Variants in GATAD2B observed in about 807,000 individuals in gnomAD.
GATAD2B encodes transcriptional repressor p66-beta.
A neutral mutation model predicts 64.3 loss-of-function variants in GATAD2B; 8 were observed. The ratio of observed to expected loss-of-function variants is 0.12; its 90% CI spans 0.07 to 0.22. The LOEUF is 0.22. GATAD2B is among the 10% of genes least tolerant of loss of function. The pLI is 1.00. For missense variants in GATAD2B, 453 were observed against 752.0 expected (o/e 0.60, Z 4.65); for synonymous variants, 281 against 271.3 (o/e 1.04, Z -0.35).
intron 1 of GATAD2B, among the ~76,000 whole-genome samples, chr1:153,869,458 C>A (rs1676590163): frequency 6.6e-6 from 1 of 152,028 alleles, no homozygotes; most frequent in African/African-American, 2.4e-5. Context: ...TTATTTTACC[C>A]CATGGGTTAT....
At chr1:153,882,694 T>A (rs1336420656) in intron 1 of GATAD2B, among the ~76,000 whole-genome samples, 1 of 152,160 alleles carries the variant, frequency 6.6e-6, no homozygotes, top group Non-Finnish European at 1.5e-5. Context: ...ACTTTACTCT[T>A]TGCATTCTAG....
chr1:153,865,903 G>A (rs911562275), intron 1 of GATAD2B, among the ~76,000 whole-genome samples: 2 of 151,858 alleles, frequency 1.3e-5, no homozygotes, highest in African/African-American at 4.8e-5. Flanking sequence ...TGGGTAGATC[G>A]CTTGAGCCCA....
At chr1:153,873,890 A>G (rs570711414) in intron 1 of GATAD2B, among the ~76,000 whole-genome samples, 2 of 152,292 alleles carry the variant, frequency 1.3e-5, no homozygotes, top group Admixed American at 6.5e-5. Context: ...TCAAGGCTAC[A>G]ATAAGCTATG....
At chr1:153,815,101 A>AAAAC (rs1553187826) in intron 7 of GATAD2B, among the ~76,000 whole-genome samples, 1 of 144,124 alleles carries the variant, frequency 6.9e-6, no homozygotes, top group Non-Finnish European at 1.5e-5. Flanking sequence ...AAAAAAAAAA[A>AAAAC]AAAAAAAAAA....
chr1:153,908,417 T>C (rs1678011548), intron 1 of GATAD2B, among the ~76,000 whole-genome samples: 1 of 151,812 alleles, frequency 6.6e-6, no homozygotes, highest in African/African-American at 2.4e-5. Context: ...AAGTAAAAGA[T>C]CTTACAACTA....
chr1:153,871,360 C>T (rs959158134), intron 1 of GATAD2B, among the ~76,000 whole-genome samples: 9 of 152,014 alleles, frequency 5.9e-5, no homozygotes, highest in Non-Finnish European at 1.2e-4. Context: ...CGACCACACC[C>T]GGCCACTTGT....
intron 2 of GATAD2B, among the ~76,000 whole-genome samples, chr1:153,822,665 G>A (rs1674724249): frequency 1.3e-5 from 2 of 151,902 alleles, no homozygotes; most frequent in Admixed American, 1.3e-4. Context: ...CACCACACCC[G>A]GCTAATTTTT....
chr1:153,840,264 AC>A (rs1315239793), intron 1 of GATAD2B, among the ~76,000 whole-genome samples: 3 of 151,274 alleles, frequency 2.0e-5, no homozygotes, highest in Non-Finnish European at 4.4e-5. Flanking sequence ...TGAACTCCTG[AC>A]CTCAGGTGAT....
At chr1:153,852,766 A>G (rs1675947742) in intron 1 of GATAD2B, 1 of 936,104 alleles carries the variant, frequency 1.1e-6, no homozygotes. Flanking sequence ...CAGGGATCCC[A>G]GTCTAACATA....
At chr1:153,919,176 T>C (rs1678356629) in intron 1 of GATAD2B, among the ~76,000 whole-genome samples, 1 of 152,248 alleles carries the variant, frequency 6.6e-6, no homozygotes, top group African/African-American at 2.4e-5. Flanking sequence ...TAACGAATGA[T>C]GTGTTCTTAG....
intron 1 of GATAD2B, among the ~76,000 whole-genome samples, chr1:153,835,472 C>CAA (rs111567499): frequency 5.2e-5 from 7 of 133,526 alleles, no homozygotes; most frequent in African/African-American, 8.2e-5. Flanking sequence ...CCTGTAATCT[C>CAA]AAAAAAAAAA....
At chr1:153,876,184 C>T (rs1180081043) in intron 1 of GATAD2B, among the ~76,000 whole-genome samples, 5 of 126,754 alleles carry the variant, frequency 3.9e-5, no homozygotes, top group African/African-American at 9.0e-5. Context: ...GCTGAGATCG[C>T]GCCACTACAC....
chr1:153,897,167 T>A (rs917788724), intron 1 of GATAD2B, among the ~76,000 whole-genome samples: 2 of 151,850 alleles, frequency 1.3e-5, no homozygotes. Context: ...GTAGCTGGGA[T>A]TACAGGTGCC....
chr1:153,899,787 ACT>A (rs1222449958), intron 1 of GATAD2B, among the ~76,000 whole-genome samples: 1 of 152,042 alleles, frequency 6.6e-6, no homozygotes, highest in African/African-American at 2.4e-5. Flanking sequence ...TGTTTCAGAA[ACT>A]CTTATAGCCT....
Position 153,810,110 on chromosome 1 carries a change from A to G in GATAD2B, c.*67T>C. 6.7e-7 allele frequency: 1 copy of G among 1,489,438 alleles called. No individual in the cohort carries two copies. Among genetic ancestry groups the G allele is most frequent in the Non-Finnish European group, 9.2e-7 (1 of 1,090,920 alleles). 92.3% of individuals were successfully genotyped at this position (1,489,438 alleles called of 1,614,324 possible). Reference sequence around the variant, plus strand: ...CAGTACAGGCACTGCATGCGACAGAAGTTGGGGGAATGAAAGAGGAAAGGG... The same window carrying G: ...CAGTACAGGCACTGCATGCGACAGAGGTTGGGGGAATGAAAGAGGAAAGGG... On this transcript the variant is annotated 3_prime_UTR_variant, in exon 11 of 11. Transcript: ENST00000368655.
At position 153,872,079 on chromosome 1, in the gene GATAD2B, A is replaced by T. The variant is rs557353658; in HGVS notation, c.-1-43731T>A. ...ATGCCTGTAATCCCAGCACTTTGAG[A>T]GGCTGCGGTAGGCGGATCACTTGAG... is the stretch of plus-strand genomic sequence containing the variant. On this transcript the variant is annotated intron_variant, in intron 1 of 10. Transcript: ENST00000368655. Among the ~76,000 whole-genome samples the T allele has an allele frequency of 3.3e-5, 5 of 152,178 alleles. No individual in the cohort carries two copies. The South Asian group carries it at 1.0e-3, about 32-fold the overall frequency.
intron 1 of GATAD2B, among the ~76,000 whole-genome samples, chr1:153,892,256 CAA>C (rs1478240540): frequency 6.6e-6 from 1 of 151,162 alleles, no homozygotes; most frequent in African/African-American, 2.4e-5. Flanking sequence ...TCACAAAACT[CAA>C]GAGTAAAACA....
Position 153,809,915 on chromosome 1 carries a change from G to T in GATAD2B, c.*262C>A. 2 of 366,070 alleles carry T rather than the reference G, an allele frequency of 5.5e-6. No homozygotes were observed. The highest frequency in any genetic ancestry group is 9.8e-6 in the Non-Finnish European group (2 of 203,316). The allele number at this position is 366,070 out of a possible 1,614,324, so 22.7% of individuals were successfully genotyped here. The stretch of plus-strand genomic sequence containing the variant: ...CATTCTGACCTCTATCAGAGGTAAA[G>T]ATCCACCTCACTGTTAAAGAAAACT... On this transcript the variant is annotated 3_prime_UTR_variant, in exon 11 of 11. Coordinates refer to ENST00000368655, the MANE Select transcript of GATAD2B (RefSeq NM_020699.4).
intron 1 of GATAD2B, among the ~76,000 whole-genome samples, chr1:153,874,025 C>T (rs1410206478): frequency 1.3e-5 from 2 of 151,910 alleles, no homozygotes; most frequent in African/African-American, 4.8e-5. Context: ...TTTGGGAGGC[C>T]GAGGAGGGTG....
Sources: allele counts gnomAD v4.1 joint callset (sites outside exome capture counted in the v4.1 genomes callset), GRCh38; gene constraint gnomAD v4.1.1; transcripts MANE v1.5; gene names NCBI Gene and HGNC (gene_info 2026-07-23, HGNC 2026-07-21).